IKZF2: variants seen among roughly 807,000 people sequenced by gnomAD.
IKZF2 encodes the protein zinc finger protein Helios.
IKZF2 carries 15 observed loss-of-function variants against 49.2 expected under a neutral mutation model. The observed-to-expected ratio is 0.30, with a 90% CI of 0.20 to 0.47. The LOEUF (loss-of-function observed/expected upper bound fraction) is 0.47, where lower values mean the gene tolerates loss of function less well. IKZF2 is among the 20% of genes least tolerant of loss of function. The pLI is 1.00. For missense variants in IKZF2, 567 were observed against 664.6 expected (o/e 0.85, Z 1.61); for synonymous variants, 227 against 221.4 (o/e 1.03, Z -0.23).
At position 213,002,367 on chromosome 2, in the gene IKZF2, G is replaced by C. The variant is rs1694981980; in HGVS notation, c.*4993C>G. On this transcript the variant is annotated 3_prime_UTR_variant, in exon 9 of 9. Transcript: ENST00000434687. ...TATCCTCAAACTTACAGTACAGCAA[G>C]ATAAAACTAAAAAGCTAGAAATAGA... The C allele has an allele frequency of 1.3e-5, 2 of 151,334 alleles. No homozygotes were observed. Among genetic ancestry groups the C allele is most frequent in the Non-Finnish European group, 3.0e-5 (2 of 67,494 alleles). 9.4% of individuals were successfully genotyped at this position (151,334 alleles called of 1,614,324 possible). A position where few individuals can be genotyped will look rare whatever the true frequency, so the allele number is the denominator to read the frequency against.
At chr2:213,017,731 C>A (rs72946459) in intron 7 of IKZF2, among the ~76,000 whole-genome samples, 1 of 152,092 alleles carries the variant, frequency 6.6e-6, no homozygotes, top group African/African-American at 2.4e-5. Context: ...AGCTCAATCC[C>A]GGGAAATTCC....
At chr2:213,033,189 C>T (rs1698654770) in intron 6 of IKZF2, among the ~76,000 whole-genome samples, 1 of 152,252 alleles carries the variant, frequency 6.6e-6, no homozygotes. Flanking sequence ...AATTCAGTCA[C>T]ATCTTCAGGC....
intron 4 of IKZF2, among the ~76,000 whole-genome samples, chr2:213,113,287 A>C (rs1471127234): frequency 6.6e-6 from 1 of 152,146 alleles, no homozygotes; most frequent in Non-Finnish European, 1.5e-5. Flanking sequence ...CTATAATGGT[A>C]CAACTCCAAC....
chr2:213,093,007 A>G (rs1705529541), intron 4 of IKZF2, among the ~76,000 whole-genome samples: 1 of 152,186 alleles, frequency 6.6e-6, no homozygotes. Context: ...TCTATTAATG[A>G]AGTCAGAAAG....
chr2:213,007,072 A>C lies in IKZF2; in HGVS notation c.*288T>G. On this transcript the variant is annotated 3_prime_UTR_variant, in exon 9 of 9. Coordinates refer to ENST00000434687, the MANE Select transcript of IKZF2 (RefSeq NM_001387220.1). ...ATCTTTATGAATCAAGTGATTTTTC[A>C]AAGCATGATATGCCTTGGTAGAAAT... 1 of 272,300 alleles carries C rather than the reference A, an allele frequency of 3.7e-6. No individual in the cohort carries two copies. Among genetic ancestry groups the C allele is most frequent in the Admixed American group, 4.8e-5 (1 of 20,876 alleles). The allele number at this position is 272,300 out of a possible 1,614,324, so 16.9% of individuals were successfully genotyped here.
In IKZF2 at chr2:213,104,342, C is replaced by A. The variant is rs533692769; in HGVS notation, c.139+43366G>T. 7.2e-5 allele frequency among the ~76,000 whole-genome samples: 11 copies of A among 152,150 alleles called. No individual in the cohort carries two copies. In the South Asian group the frequency reaches 2.1e-3, roughly 29 times the overall value. On this transcript the variant is annotated intron_variant, in intron 4 of 8. Coordinates refer to ENST00000434687, the MANE Select transcript of IKZF2 (RefSeq NM_001387220.1). The stretch of plus-strand genomic sequence containing the variant: ...CAGGGCAGAGGCAAGGGGTTCTCAG[C>A]CCATTCCTTAACAAACTTGTTGCTA...
intron 4 of IKZF2, chr2:213,147,370 T>C: frequency 1.9e-6 from 1 of 529,674 alleles, no homozygotes; most frequent in East Asian, 3.0e-5. Flanking sequence ...AAGAGTCCTT[T>C]GGAAGTGACG....
At chr2:213,125,206 C>T (rs939461648) in intron 4 of IKZF2, among the ~76,000 whole-genome samples, 2 of 152,178 alleles carry the variant, frequency 1.3e-5, no homozygotes, top group African/African-American at 4.8e-5. Flanking sequence ...AAAATTTCTA[C>T]TTAACATCAA....
chr2:213,139,891 G>GTAAGTCAC (rs1553603496), intron 4 of IKZF2, among the ~76,000 whole-genome samples: 2 of 151,910 alleles, frequency 1.3e-5, no homozygotes, highest in Admixed American at 6.6e-5. Flanking sequence ...TATAATGGAT[G>GTAAGTCAC]TAAGTCACAG....
intron 2 of IKZF2, among the ~76,000 whole-genome samples, 200 bp from the exon 3 acceptor site, chr2:213,148,844 T>C (rs747075549): frequency 3.3e-5 from 5 of 152,106 alleles, no homozygotes; most frequent in African/African-American, 9.7e-5. Flanking sequence ...CTGCTGGAGA[T>C]AGGATAGGAA....
At chr2:213,142,465 T>G (rs2060909089) in intron 4 of IKZF2, among the ~76,000 whole-genome samples, 1 of 152,014 alleles carries the variant, frequency 6.6e-6, no homozygotes, top group Non-Finnish European at 1.5e-5. Context: ...CATAAAAAAG[T>G]AACTTGACTG....
At chr2:213,137,562 G>A (rs2060721508) in intron 4 of IKZF2, among the ~76,000 whole-genome samples, 1 of 151,850 alleles carries the variant, frequency 6.6e-6, no homozygotes, top group Admixed American at 6.6e-5. Flanking sequence ...TACATCCTCA[G>A]CCCTAAAAAC....
chr2:213,150,896 G>C (rs2061261772), intron 1 of IKZF2, among the ~76,000 whole-genome samples: 1 of 150,476 alleles, frequency 6.6e-6, no homozygotes, highest in Non-Finnish European at 1.5e-5. Flanking sequence ...GTCATACCAG[G>C]GTTTTTGGTT....
intron 4 of IKZF2, among the ~76,000 whole-genome samples, chr2:213,144,078 G>A (rs2060964229): frequency 6.6e-6 from 1 of 151,798 alleles, no homozygotes; most frequent in Non-Finnish European, 1.5e-5. Flanking sequence ...TGCTTCGCTA[G>A]GTTCTAAAAA....
intron 4 of IKZF2, among the ~76,000 whole-genome samples, chr2:213,097,089 G>C (rs1426860988): frequency 6.6e-6 from 1 of 151,832 alleles, no homozygotes; most frequent in Non-Finnish European, 1.5e-5. Flanking sequence ...TAAAGACCAA[G>C]AGATAATACA....
At chr2:213,031,424 C>G (rs1298914883) in intron 6 of IKZF2, among the ~76,000 whole-genome samples, 2 of 152,134 alleles carry the variant, frequency 1.3e-5, no homozygotes, top group African/African-American at 4.8e-5. Flanking sequence ...TGTATGGGAC[C>G]TTTAAAGTAA....
At chr2:213,041,460 G>A (rs1422142173) in intron 6 of IKZF2, among the ~76,000 whole-genome samples, 17 of 151,796 alleles carry the variant, frequency 1.1e-4, no homozygotes, top group African/African-American at 4.1e-4. Context: ...GTGCTATCAC[G>A]CCCAGATAAT....
chr2:213,065,627 T>G (rs974437310), intron 4 of IKZF2, among the ~76,000 whole-genome samples: 3 of 152,060 alleles, frequency 2.0e-5, no homozygotes, highest in Non-Finnish European at 4.4e-5. Context: ...TCAACTGAAT[T>G]AATCAAAATA....
At chr2:213,011,902 T>A (rs1441602686) in intron 8 of IKZF2, among the ~76,000 whole-genome samples, 2 of 151,814 alleles carry the variant, frequency 1.3e-5, no homozygotes, top group African/African-American at 4.8e-5. Flanking sequence ...GGATGATAGA[T>A]CAGCCAACAA....
Sources: allele counts gnomAD v4.1 joint callset (sites outside exome capture counted in the v4.1 genomes callset), GRCh38; gene constraint gnomAD v4.1.1; transcripts MANE v1.5; gene names NCBI Gene and HGNC (gene_info 2026-07-23, HGNC 2026-07-21).